Variants in DMD observed in about 807,000 individuals in gnomAD.
DMD encodes mutant dystrophin.
DMD carries 63 observed loss-of-function variants against 330.1 expected under a neutral mutation model. That is an observed-to-expected ratio of 0.19 (90% CI 0.16 to 0.24). The LOEUF (loss-of-function observed/expected upper bound fraction) is 0.24. DMD is among the 10% of genes least tolerant of loss of function. The pLI, the probability that DMD is intolerant of heterozygous loss-of-function variation, is 1.00. For synonymous variants in DMD, 1,223 were observed against 959.8 expected (o/e 1.27, Z -5.07); for missense variants, 3,344 against 2,684.1 (o/e 1.25, Z -5.43).
intron 67 of DMD, among the ~76,000 whole-genome samples, chrX:31,183,426 T>A (rs769892021): frequency 7.5e-4 from 83 of 110,914 alleles, no homozygotes; most frequent in Non-Finnish European, 1.3e-3. Flanking sequence ...AAAGGAGCTT[T>A]TCAAAGGCCA....
At chrX:31,538,042 T>C (rs1232249429) in intron 55 of DMD, among the ~76,000 whole-genome samples, 2 of 112,161 alleles carry the variant, frequency 1.8e-5, no homozygotes, top group Non-Finnish European at 3.8e-5. Flanking sequence ...TTTGGCCCCA[T>C]GCTGGACATT....
chrX:32,942,052 G>T (rs962696684), intron 2 of DMD, among the ~76,000 whole-genome samples: 13 of 111,360 alleles, frequency 1.2e-4, no homozygotes, highest in African/African-American at 3.3e-4. Context: ...TAAAGTGTGG[G>T]TGTTTCCAGA....
At chrX:33,266,050 G>A (rs1325847046) in intron 1 of DMD, among the ~76,000 whole-genome samples, 1 of 111,559 alleles carries the variant, frequency 9.0e-6, no homozygotes, top group African/African-American at 3.2e-5. Flanking sequence ...TCATACATAA[G>A]TCGCTATGCT....
At chrX:31,522,325 T>TTCTCTCTCTCTC (rs1193302041) in intron 55 of DMD, among the ~76,000 whole-genome samples, 20 of 51,331 alleles carry the variant, frequency 3.9e-4, no homozygotes, top group Admixed American at 1.2e-3. Flanking sequence ...AGATCAAAAT[T>TTCTCTCTCTCTC]TCTCTCTCTC....
chrX:33,032,431 G>A (rs946895960), intron 1 of DMD, among the ~76,000 whole-genome samples: 4 of 111,842 alleles, frequency 3.6e-5, no homozygotes, highest in African/African-American at 1.3e-4. Flanking sequence ...AATATAGCAG[G>A]TAAATAGTAA....
At chrX:31,505,560 A>T (rs1273395977) in intron 56 of DMD, among the ~76,000 whole-genome samples, 1 of 111,478 alleles carries the variant, frequency 9.0e-6, no homozygotes, top group Non-Finnish European at 1.9e-5. Context: ...TTCTTTCTTT[A>T]TATGCTACGG....
intron 1 of DMD, among the ~76,000 whole-genome samples, chrX:33,084,390 C>T (rs912394815): frequency 6.2e-5 from 7 of 112,419 alleles, no homozygotes; most frequent in African/African-American, 1.9e-4. Flanking sequence ...GTGTGGGACA[C>T]TGGAGTTTTG....
intron 44 of DMD, among the ~76,000 whole-genome samples, chrX:32,079,911 G>A (rs1029600400): frequency 8.9e-6 from 1 of 111,941 alleles, no homozygotes; most frequent in African/African-American, 3.2e-5. Flanking sequence ...AATTCTGAAT[G>A]TTAAACCCTT....
intron 7 of DMD, among the ~76,000 whole-genome samples, chrX:32,700,461 T>C (rs2064016742): frequency 9.0e-6 from 1 of 110,865 alleles, no homozygotes; most frequent in African/African-American, 3.3e-5. Flanking sequence ...TTCAGTTAGA[T>C]AGGAAAAATA....
At chrX:32,030,694 A>C (rs2095876377) in intron 44 of DMD, among the ~76,000 whole-genome samples, 1 of 111,969 alleles carries the variant, frequency 8.9e-6, no homozygotes, top group African/African-American at 3.2e-5. Flanking sequence ...TTATAAATTG[A>C]GGATCATAAT....
rs139381825 is a variant in DMD at position 32,310,717 on chromosome X, G to A, written c.5923-441C>T. Among the ~76,000 whole-genome samples, 907 of 110,260 alleles carry A rather than the reference G, an allele frequency of 8.2e-3. 16 individuals carry two copies. The East Asian group carries it at 0.091, about 11-fold the overall frequency. On this transcript the variant is annotated intron_variant, in intron 41 of 78. Coordinates refer to ENST00000357033, the MANE Select transcript of DMD (RefSeq NM_004006.3). ...TATTCCTAACACAGGCAACTTTCCT[G>A]TATCTATAGGAAAGTTCACTGAGAT...
chrX:31,727,081 A>G (rs902440579), intron 52 of DMD, among the ~76,000 whole-genome samples: 1 of 111,944 alleles, frequency 8.9e-6, no homozygotes, highest in African/African-American at 3.3e-5. Flanking sequence ...ATACTGTATA[A>G]TACATTCATA....
Position 32,253,901 on chromosome X carries a change from C to T in DMD, c.6290+33628G>A, listed in dbSNP as rs751147217. ...CCTCCCAAAGTGCTGCGATTACAGG[C>T]GTGAGCCACCACGCCTGGTCAATTG... On this transcript the variant is annotated intron_variant, in intron 43 of 78. Transcript: ENST00000357033. Among the ~76,000 whole-genome samples, 66 of 111,747 alleles carry T rather than the reference C, an allele frequency of 5.9e-4. No individual in the cohort carries two copies. The East Asian group carries it at 6.8e-3, about 11-fold the overall frequency.
chrX:33,313,982 C>CAT (rs199838878), intron 1 of DMD, among the ~76,000 whole-genome samples: 3,696 of 108,993 alleles, frequency 0.034, 147 homozygotes, highest in East Asian at 0.28. Context: ...TGTAGTATGT[C>CAT]ATATATATGT....
chrX:33,331,003 A>C lies in DMD; in HGVS notation c.7+8256T>G, dbSNP rs931385853. 2.7e-5 allele frequency among the ~76,000 whole-genome samples: 3 copies of C among 111,540 alleles called. No individual in the cohort carries two copies. In the Admixed American group the frequency reaches 2.9e-4, roughly 11 times the overall value. ...TATTTTTCTCTTCTCATCCACATAA[A>C]CCACGTTCGTCTCTAAATTCCTCAG... On this transcript the variant is annotated intron_variant, in intron 1 of 17. Coordinates refer to the DMD transcript ENST00000288447.
At chrX:32,401,006 A>C (rs1371722046) in intron 30 of DMD, among the ~76,000 whole-genome samples, 3 of 110,972 alleles carry the variant, frequency 2.7e-5, no homozygotes, top group Admixed American at 9.6e-5. Context: ...CAGCCATAAA[A>C]AAGGATGAGT....
intron 2 of DMD, among the ~76,000 whole-genome samples, chrX:32,973,594 G>A (rs188845872): frequency 1.4e-4 from 16 of 111,901 alleles, no homozygotes; most frequent in Non-Finnish European, 2.3e-4. Context: ...TCACATGTAG[G>A]CCTTCAGAAT....
Position 31,165,271 on chromosome X carries a change from A to G in DMD, c.10553+4172T>C, listed in dbSNP as rs766659942. Among the ~76,000 whole-genome samples the G allele has an allele frequency of 5.3e-5, 6 of 112,310 alleles. No homozygotes were observed. The South Asian group carries it at 2.2e-3, about 42-fold the overall frequency. The stretch of plus-strand genomic sequence containing the variant: ...GGAGGAATTTAAAGGAAAAAGAGAA[A>G]ACTCAAATTTTGGCTTCATAAGGTC... On this transcript the variant is annotated intron_variant, in intron 74 of 78. Transcript: ENST00000357033.
At chrX:32,504,413 C>A (rs763957198) in intron 18 of DMD, among the ~76,000 whole-genome samples, 10 of 110,770 alleles carry the variant, frequency 9.0e-5, no homozygotes, top group Non-Finnish European at 1.1e-4. Context: ...CACCTGAGGT[C>A]GGGAGTTCGA....
Sources: gnomAD v4.1 joint callset for allele counts (sites outside exome capture counted in the v4.1 genomes callset) on GRCh38, gnomAD v4.1.1 for gene constraint, MANE v1.5 for transcripts, NCBI Gene and HGNC (gene_info 2026-07-23, HGNC 2026-07-21) for gene names.